Variants in POFUT3 observed in about 807,000 individuals in gnomAD.
POFUT3 encodes GDP-fucose protein O-fucosyltransferase 3.
the POFUT3 span, among the ~76,000 whole-genome samples, chr8:33,349,360 C>T: frequency 2.7e-3 from 410 of 152,238 alleles, no homozygotes; most frequent in Middle Eastern, 6.8e-3. Context: ...GTAGTAATTT[C>T]TGAGATTTTG....
chr8:33,365,081 A>C, the POFUT3 span, among the ~76,000 whole-genome samples: 5 of 152,236 alleles, frequency 3.3e-5, no homozygotes, highest in African/African-American at 1.2e-4. Context: ...ATGGAACAGA[A>C]CAGAGGCCTC....
the POFUT3 span, chr8:33,389,949 C>T: frequency 1.6e-6 from 1 of 617,104 alleles, no homozygotes; most frequent in Non-Finnish European, 2.8e-6. Flanking sequence ...AATCCCAGCA[C>T]TTTGGGAGGC....
At chr8:33,440,978 A>T in the POFUT3 span, among the ~76,000 whole-genome samples, 6 of 152,138 alleles carry the variant, frequency 3.9e-5, no homozygotes, top group Non-Finnish European at 7.3e-5. Flanking sequence ...GCCCTAGAAC[A>T]ATCTAGATAA....
the POFUT3 span, among the ~76,000 whole-genome samples, chr8:33,444,314 G>A: frequency 1.3e-5 from 2 of 152,078 alleles, no homozygotes; most frequent in Non-Finnish European, 2.9e-5. Context: ...GCAAGTGAAA[G>A]ATTCTGGGGC....
chr8:33,472,070 A>T, the POFUT3 span, among the ~76,000 whole-genome samples: 1 of 152,226 alleles, frequency 6.6e-6, no homozygotes, highest in South Asian at 2.1e-4. Flanking sequence ...TTGTAGTGTG[A>T]CGTTACTAAC....
the POFUT3 span, among the ~76,000 whole-genome samples, chr8:33,448,124 G>A: frequency 7.9e-5 from 12 of 152,072 alleles, no homozygotes; most frequent in African/African-American, 2.4e-4. Flanking sequence ...GAGACTGCTC[G>A]AGCCCAGGAT....
chr8:33,408,906 C>A, the POFUT3 span, among the ~76,000 whole-genome samples: 1 of 152,032 alleles, frequency 6.6e-6, no homozygotes, highest in Non-Finnish European at 1.5e-5. Context: ...AACTCACCAA[C>A]TGCACACTTA....
the POFUT3 span, among the ~76,000 whole-genome samples, chr8:33,379,962 A>T: frequency 9.2e-6 from 1 of 108,604 alleles, no homozygotes; most frequent in Non-Finnish European, 1.7e-5. Context: ...TATACTATAT[A>T]TACACTATAT....
the POFUT3 span, among the ~76,000 whole-genome samples, chr8:33,388,178 G>C: frequency 6.6e-6 from 1 of 152,110 alleles, no homozygotes; most frequent in Non-Finnish European, 1.5e-5. Context: ...AAGAGAAAGA[G>C]TAAATATTAG....
chr8:33,356,049 A>G, the POFUT3 span, among the ~76,000 whole-genome samples: 5 of 152,082 alleles, frequency 3.3e-5, no homozygotes, highest in South Asian at 1.0e-3. Context: ...TATGTGCCAC[A>G]TTTTCTTAAT....
chr8:33,364,221 G>A, the POFUT3 span, among the ~76,000 whole-genome samples: 6 of 150,510 alleles, frequency 4.0e-5, no homozygotes, highest in East Asian at 5.8e-4. Context: ...AAATTCAACA[G>A]CCCTTCATGC....
chr8:33,460,188 CAAA>C, the POFUT3 span, among the ~76,000 whole-genome samples: 12 of 138,922 alleles, frequency 8.6e-5, no homozygotes, highest in African/African-American at 5.4e-5. Context: ...GACTCCACCT[CAAA>C]AAAAAAAAAA....
At chr8:33,366,616 G>A in the POFUT3 span, among the ~76,000 whole-genome samples, 2 of 152,170 alleles carry the variant, frequency 1.3e-5, no homozygotes, top group East Asian at 3.8e-4. Context: ...CCTCAGGAAA[G>A]TCTTTTAAGT....
chr8:33,342,689 T>C, the POFUT3 span, among the ~76,000 whole-genome samples: 1 of 152,166 alleles, frequency 6.6e-6, no homozygotes, highest in Non-Finnish European at 1.5e-5. Context: ...GCAGAAAAAC[T>C]GGATCACTCA....
chr8:33,410,387 T>C, the POFUT3 span, among the ~76,000 whole-genome samples: 1 of 152,150 alleles, frequency 6.6e-6, no homozygotes, highest in Non-Finnish European at 1.5e-5. Flanking sequence ...TAGATTGGTA[T>C]GCACTGCAAA....
chr8:33,461,716 C>A, the POFUT3 span: 4 of 1,346,622 alleles, frequency 3.0e-6, no homozygotes, highest in African/African-American at 1.5e-5. Flanking sequence ...AAGAAGGAAT[C>A]AAAAAAATTC....
chr8:33,308,871 G>A, the POFUT3 span, among the ~76,000 whole-genome samples: 16 of 150,586 alleles, frequency 1.1e-4, no homozygotes, highest in Non-Finnish European at 2.2e-4. Flanking sequence ...GCATTCTGGA[G>A]CCCAGGCTGT....
chr8:33,372,680 C>T, the POFUT3 span: 6 of 1,613,976 alleles, frequency 3.7e-6, no homozygotes, highest in African/African-American at 2.7e-5. Context: ...TTGTTCAAAG[C>T]TGGAAATCCA....
the POFUT3 span, among the ~76,000 whole-genome samples, chr8:33,430,088 G>A: frequency 1.3e-5 from 2 of 151,284 alleles, no homozygotes; most frequent in South Asian, 2.1e-4. Flanking sequence ...CTCCACCAAC[G>A]CCATTACCAA....
Sources: allele counts gnomAD v4.1 joint callset (sites outside exome capture counted in the v4.1 genomes callset), GRCh38; gene constraint gnomAD v4.1.1; transcripts MANE v1.5; gene names NCBI Gene and HGNC (gene_info 2026-07-23, HGNC 2026-07-21).